The following PCDHGA10 variants were observed in gnomAD, a reference collection of about 807,000 sequenced individuals.
The protein encoded by PCDHGA10 is protocadherin gamma-A10.
A neutral mutation model predicts 59.5 loss-of-function variants in PCDHGA10; 42 were observed. The ratio of observed to expected loss-of-function variants is 0.71; its 90% CI spans 0.55 to 0.91. The LOEUF (loss-of-function observed/expected upper bound fraction) is 0.91, where lower values mean the gene tolerates loss of function less well. Ranked by LOEUF, PCDHGA10 falls within the 40% of genes least tolerant of loss-of-function variation. PCDHGA10 has a pLI of 0.00. For missense variants in PCDHGA10, 1,111 were observed against 1,198.2 expected, an observed-to-expected ratio of 0.93 and a Z score of 1.07; for synonymous variants, 511 against 517.2, an observed-to-expected ratio of 0.99 and a Z score of 0.16.
intron 1 of PCDHGA10, chr5:141,433,097 G>C: frequency 6.2e-7 from 1 of 1,614,162 alleles, no homozygotes; most frequent in Non-Finnish European, 8.5e-7. Context: ...AGACATGCTC[G>C]TCAGCCAGGA....
intron 3 of PCDHGA10, among the ~76,000 whole-genome samples, chr5:141,505,973 G>A (rs1207489923): frequency 6.6e-6 from 1 of 152,166 alleles, no homozygotes; most frequent in Non-Finnish European, 1.5e-5. Context: ...ATCCCCAGCC[G>A]AGAGAACACC....
Position 141,510,363 on chromosome 5 carries a change from G to A in PCDHGA10, c.2585-584G>A, listed in dbSNP as rs973832487. Among the ~76,000 whole-genome samples the A allele has an allele frequency of 7.8e-5, 11 of 141,564 alleles. No individual in the cohort carries two copies. In the East Asian group the frequency reaches 1.6e-3, roughly 21 times the overall value. 92.9% of individuals were successfully genotyped at this position (141,564 alleles called of 152,430 possible). The stretch of plus-strand genomic sequence containing the variant: ...CCACACACTTACTAACGGAACTACC[G>A]AATCTCTACTCGTGCCAGGCCTTGC... On this transcript the variant is annotated intron_variant, in intron 3 of 3. Coordinates refer to ENST00000398610, the MANE Select transcript of PCDHGA10 (RefSeq NM_018913.3).
chr5:141,498,437 G>C (rs996627716), intron 2 of PCDHGA10, among the ~76,000 whole-genome samples: 1 of 152,170 alleles, frequency 6.6e-6, no homozygotes, highest in Non-Finnish European at 1.5e-5. Flanking sequence ...GGGATGAAGA[G>C]GAGAGGTTCC....
In PCDHGA10 at chr5:141,491,419, G is replaced by A. The variant is rs1422517367; in HGVS notation, c.2437-3388G>A. On this transcript the variant is annotated intron_variant, in intron 1 of 3. Coordinates refer to ENST00000398610, the MANE Select transcript of PCDHGA10 (RefSeq NM_018913.3). This position sits in a 1 kb window ranked among gnomAD's most constrained non-coding sequence, Gnocchi z 6.9. ...GGGAAACGCAGACGGGGACGGGGGT[G>A]GAGGGCAGTGCTGCAGGCGCCAGGA... 1 of 1,614,124 alleles carries A rather than the reference G, an allele frequency of 6.2e-7. No individual in the cohort carries two copies.
intron 1 of PCDHGA10, among the ~76,000 whole-genome samples, chr5:141,474,075 C>T (rs2099339724): frequency 6.6e-6 from 1 of 151,902 alleles, no homozygotes; most frequent in African/African-American, 2.4e-5. Flanking sequence ...GCCTCAGAAA[C>T]AAAAACCAAA....
rs994009107 is a variant in PCDHGA10 at position 141,490,364 on chromosome 5, G to A, written c.2437-4443G>A. ...ACAGTAGTGGGGTTGTTTAATGTGC[G>A]AGACCGGGACTCAGGTAGAAATGGT... On this transcript the variant is annotated intron_variant, in intron 1 of 3. Transcript: ENST00000398610. The surrounding 1 kb of genome is among the most constrained non-coding windows in gnomAD (Gnocchi z 5.4). 7 of 1,614,056 alleles carry A rather than the reference G, an allele frequency of 4.3e-6. No individual in the cohort carries two copies. In the African/African-American group the frequency reaches 5.3e-5, roughly 12 times the overall value.
intron 1 of PCDHGA10, among the ~76,000 whole-genome samples, chr5:141,456,499 A>C (rs1283501704): frequency 6.6e-6 from 1 of 152,210 alleles, no homozygotes; most frequent in Non-Finnish European, 1.5e-5. Flanking sequence ...AAAGGGGTTA[A>C]CCAATTCCAT....
At chr5:141,438,629 TATATATACAC>T (rs1412065186) in intron 1 of PCDHGA10, among the ~76,000 whole-genome samples, 590 of 47,950 alleles carry the variant, frequency 0.012, no homozygotes, top group African/African-American at 0.039. Flanking sequence ...TATATATATA[TATATATACAC>T]ACACACACAC....
intron 1 of PCDHGA10, among the ~76,000 whole-genome samples, chr5:141,457,620 A>G (rs2098925834): frequency 6.6e-6 from 1 of 152,234 alleles, no homozygotes; most frequent in Admixed American, 6.5e-5. Flanking sequence ...ATGAACTTTA[A>G]TCTTATACTT....
intron 1 of PCDHGA10, among the ~76,000 whole-genome samples, chr5:141,480,768 A>G (rs1371582817): frequency 6.6e-6 from 1 of 152,162 alleles, no homozygotes; most frequent in African/African-American, 2.4e-5. Flanking sequence ...TCCCCACTTG[A>G]TCCTAATGTG....
intron 1 of PCDHGA10, among the ~76,000 whole-genome samples, chr5:141,448,855 G>A (rs2098611434): frequency 6.6e-6 from 1 of 152,172 alleles, no homozygotes. Context: ...TGAGGCAGGA[G>A]AATGGCGTGA....
rs188338684 is a variant in PCDHGA10, at chr5:141,431,953, C to T, written c.2436+16342C>T. ...TGCCCTTTAAATTAGAAAAATCTTA[C>T]GGAAATTACTATAGTTTAGTCACAG... On this transcript the variant is annotated intron_variant, in intron 1 of 3. Transcript: ENST00000398610. The surrounding 1 kb of genome is among the most constrained non-coding windows in gnomAD (Gnocchi z 4.8). 2.4e-5 allele frequency: 38 copies of T among 1,614,082 alleles called. No homozygotes were observed. In the East Asian group the frequency reaches 7.6e-4, roughly 32 times the overall value.
intron 1 of PCDHGA10, among the ~76,000 whole-genome samples, chr5:141,438,119 A>G (rs2097930168): frequency 6.6e-6 from 1 of 152,220 alleles, no homozygotes; most frequent in Non-Finnish European, 1.5e-5. Flanking sequence ...ATGCATTCCT[A>G]AAATATTAAT....
At chr5:141,482,345 T>G (rs192115752) in intron 1 of PCDHGA10, among the ~76,000 whole-genome samples, 8 of 152,122 alleles carry the variant, frequency 5.3e-5, no homozygotes, top group Admixed American at 5.2e-4. Context: ...CTTTGCAAAC[T>G]TGTTGTGAGA....
At chr5:141,447,884 G>A (rs1324802340) in intron 1 of PCDHGA10, among the ~76,000 whole-genome samples, 1 of 152,024 alleles carries the variant, frequency 6.6e-6, no homozygotes, top group Non-Finnish European at 1.5e-5. Context: ...TCAGGAGTTC[G>A]AGACCAGCCT....
intron 1 of PCDHGA10, among the ~76,000 whole-genome samples, chr5:141,451,138 A>T (rs1348825654): frequency 6.6e-6 from 1 of 152,242 alleles, no homozygotes; most frequent in East Asian, 1.9e-4. Flanking sequence ...TTATGATTGT[A>T]TTTAGACTAG....
intron 1 of PCDHGA10, chr5:141,422,554 G>A (rs753985751): frequency 1.2e-5 from 19 of 1,613,870 alleles, no homozygotes; most frequent in Non-Finnish European, 1.6e-5. Flanking sequence ...CTGGCTGAAT[G>A]TGGCAGATGA....
Position 141,491,190 on chromosome 5 carries a change from C to A in PCDHGA10, c.2437-3617C>A, listed in dbSNP as rs759736855. On this transcript the variant is annotated intron_variant, in intron 1 of 3. Transcript: ENST00000398610. The surrounding 1 kb of genome is among the most constrained non-coding windows in gnomAD (Gnocchi z 6.9). ...AGCAGGTGGTGGTCCTGGTGAGGGA[C>A]AATGGTGACCCTTCACTCTCCTCCA... 1 of 1,614,192 alleles carries A rather than the reference C, an allele frequency of 6.2e-7. No homozygotes were observed. The highest frequency in any genetic ancestry group is 1.1e-5 in the South Asian group (1 of 91,082).
rs763491057 is a variant in PCDHGA10 at position 141,414,862 on chromosome 5, G to A, written c.1687G>A (p.Ala563Thr). The change falls in exon 1 of 4, where the codon GCG becomes ACG. Residue 563 changes from alanine to threonine, a missense_variant. Physicochemically the swap from Ala to Thr is moderately conservative, Grantham distance 58 (BLOSUM62 0). Transcript: ENST00000398610. Reference sequence around the variant, plus strand: ...GTTTGTGCTGGACCAGAACGACAATGCGCCCGAGATCCTGTACCCCGCCCT... The same window carrying A: ...GTTTGTGCTGGACCAGAACGACAATACGCCCGAGATCCTGTACCCCGCCCT... ...SLFVLDQNDN[A>T]PEILYPALPT... The A allele has an allele frequency of 6.2e-7, 1 of 1,614,226 alleles. No individual in the cohort carries two copies. The highest frequency in any genetic ancestry group is 8.5e-7 in the Non-Finnish European group (1 of 1,180,044).
Sources: gnomAD v4.1 joint callset for allele counts (sites outside exome capture counted in the v4.1 genomes callset) on GRCh38, gnomAD v4.1.1 for gene constraint, Gnocchi (gnomAD v3.1) non-coding constraint, MANE v1.5 for transcripts, NCBI Gene and HGNC (gene_info 2026-07-23, HGNC 2026-07-21) for gene names.